The following TRIM2 variants were observed in gnomAD, a reference collection of about 807,000 sequenced individuals.
The protein encoded by TRIM2 is tripartite motif-containing protein 2.
TRIM2 carries 20 observed loss-of-function variants against 75.2 expected under a neutral mutation model. That is an observed-to-expected ratio of 0.27 (90% CI 0.19 to 0.39). The LOEUF (loss-of-function observed/expected upper bound fraction) is 0.39, where lower values mean the gene tolerates loss of function less well. TRIM2 is among the 10% of genes least tolerant of loss of function. TRIM2 has a pLI of 1.00. For synonymous variants in TRIM2, 373 were observed against 388.3 expected (o/e 0.96, Z 0.46); for missense variants, 660 against 990.8 (o/e 0.67, Z 4.48).
chr4:153,255,576 A>G (rs1751886288), intron 1 of TRIM2, among the ~76,000 whole-genome samples: 1 of 152,206 alleles, frequency 6.6e-6, no homozygotes, highest in South Asian at 2.1e-4. Context: ...GCCTGCTTCC[A>G]GTTTTAGAAG....
chr4:153,327,499 T>C (rs1248120492), intron 10 of TRIM2, among the ~76,000 whole-genome samples: 1 of 152,258 alleles, frequency 6.6e-6, no homozygotes. Context: ...GCCTTTTACA[T>C]AATACTTTCA....
chr4:153,328,506 ATAATT>A lies in TRIM2; in HGVS notation c.2023-20_2023-16del. ...TTCAAGTATTTTGATGTAAAACAAA[ATAATT>A]TAAAAATATTTCATACAGGTGTTTA... On this transcript the variant is annotated intron_variant, in intron 10 of 11. Coordinates refer to ENST00000338700, the MANE Select transcript of TRIM2 (RefSeq NM_015271.5). 1 of 1,583,488 alleles carries A rather than the reference ATAATT, an allele frequency of 6.3e-7. No homozygotes were observed. Among genetic ancestry groups the A allele is most frequent in the Non-Finnish European group, 8.6e-7 (1 of 1,167,390 alleles).
At chr4:153,269,025 T>G (rs1579180232) in intron 1 of TRIM2, among the ~76,000 whole-genome samples, 4 of 152,246 alleles carry the variant, frequency 2.6e-5, no homozygotes. Flanking sequence ...ATTAAAATTC[T>G]AATTTTCACC....
chr4:153,331,370 CA>C (rs1161674809), intron 11 of TRIM2, among the ~76,000 whole-genome samples: 1 of 152,084 alleles, frequency 6.6e-6, no homozygotes, highest in Non-Finnish European at 1.5e-5. Context: ...TAGCAACTAA[CA>C]GTGAAAACCA....
At position 153,337,239 on chromosome 4, in the gene TRIM2, G is replaced by C; in HGVS notation, c.*2273G>C. On this transcript the variant is annotated 3_prime_UTR_variant, in exon 12 of 12. Transcript: ENST00000338700. ...TTTATTTAGATTCTTTCTGTCCCAG[G>C]CTGTTGATCTTAAAACTAGTTGATT... The C allele has an allele frequency of 2.0e-6, 2 of 985,504 alleles. No individual in the cohort carries two copies. The highest frequency in any genetic ancestry group is 2.4e-6 in the Non-Finnish European group (2 of 829,898). 61.0% of individuals were successfully genotyped at this position (985,504 alleles called of 1,614,324 possible).
chr4:153,318,502 T>A (rs867033214), intron 8 of TRIM2, among the ~76,000 whole-genome samples: 1 of 152,168 alleles, frequency 6.6e-6, no homozygotes, highest in Admixed American at 6.5e-5. Context: ...TATATAAAAA[T>A]CTCCTGCCTT....
chr4:153,235,275 T>C lies in TRIM2; in HGVS notation c.30+30715T>C, dbSNP rs141327566. On this transcript the variant is annotated intron_variant, in intron 1 of 11. Coordinates refer to ENST00000338700, the MANE Select transcript of TRIM2 (RefSeq NM_015271.5). ...AATGGGAAAAGCTGTGCCTGCTTCATAGAGTTAAGATAATTTTTTTTTTTT... is the reference window on the plus strand; with the variant it reads ...AATGGGAAAAGCTGTGCCTGCTTCACAGAGTTAAGATAATTTTTTTTTTTT... Among the ~76,000 whole-genome samples, 446 of 150,152 alleles carry C rather than the reference T, an allele frequency of 3.0e-3. 2 individuals carry two copies. The highest frequency in any genetic ancestry group is 0.011 in the African/African-American group (426 of 39,734).
At chr4:153,252,313 C>T (rs985356855) in intron 1 of TRIM2, among the ~76,000 whole-genome samples, 9 of 152,186 alleles carry the variant, frequency 5.9e-5, no homozygotes, top group Non-Finnish European at 1.2e-4. Flanking sequence ...TGTTCTTGCA[C>T]ATCCTGGGGC....
At chr4:153,304,999 G>A (rs1764683406) in intron 6 of TRIM2, among the ~76,000 whole-genome samples, 1 of 152,194 alleles carries the variant, frequency 6.6e-6, no homozygotes, top group Admixed American at 6.5e-5. Context: ...GTCCACATGA[G>A]CTATTATAAG....
chr4:153,257,648 A>C (rs72965078), intron 1 of TRIM2: 3 of 1,226,868 alleles, frequency 2.4e-6, no homozygotes, highest in Non-Finnish European at 3.2e-6. Context: ...GTGCTTCCCA[A>C]CTTGAAGTGT....
At chr4:153,239,072 G>C in intron 1 of TRIM2, among the ~76,000 whole-genome samples, 1 of 152,170 alleles carries the variant, frequency 6.6e-6, no homozygotes, top group East Asian at 1.9e-4. Flanking sequence ...AACTCTGGCG[G>C]CCGGGCGTGG....
intron 1 of TRIM2, among the ~76,000 whole-genome samples, chr4:153,170,450 G>T (rs1730732551): frequency 6.6e-6 from 1 of 152,138 alleles, no homozygotes. Context: ...CTATAAAAGG[G>T]GTGGTATTGG....
chr4:153,159,219 C>T (rs1031424905), intron 1 of TRIM2, among the ~76,000 whole-genome samples: 1 of 152,008 alleles, frequency 6.6e-6, no homozygotes. Context: ...CATACGAAGC[C>T]ACCCTATGGT....
At chr4:153,264,411 C>T (rs527842396) in intron 1 of TRIM2, among the ~76,000 whole-genome samples, 12 of 152,284 alleles carry the variant, frequency 7.9e-5, no homozygotes, top group East Asian at 5.8e-4. Flanking sequence ...TGTTTTCACA[C>T]GGATCCCTTC....
At chr4:153,209,287 A>G (rs4696437) in intron 1 of TRIM2, among the ~76,000 whole-genome samples, 22,938 of 152,168 alleles carry the variant, frequency 0.15, 1,797 homozygotes, top group African/African-American at 0.2. Flanking sequence ...ACCACCTCCC[A>G]CACTTATTAG....
intron 1 of TRIM2, among the ~76,000 whole-genome samples, chr4:153,174,602 C>T (rs1731224622): frequency 6.6e-6 from 1 of 152,202 alleles, no homozygotes; most frequent in Non-Finnish European, 1.5e-5. Flanking sequence ...TTCCTGAGAG[C>T]AGGGCGGTGA....
chr4:153,189,470 G>A (rs1055852247), intron 1 of TRIM2, among the ~76,000 whole-genome samples: 1 of 152,206 alleles, frequency 6.6e-6, no homozygotes, highest in African/African-American at 2.4e-5. Flanking sequence ...GTGACCTGCT[G>A]TGGTCGCATC....
rs543345048 is a variant in TRIM2, at chr4:153,197,838, A to T, written c.-49+44568A>T. 6.6e-5 allele frequency among the ~76,000 whole-genome samples: 10 copies of T among 152,164 alleles called. No individual in the cohort carries two copies. In the South Asian group the frequency reaches 2.1e-3, roughly 32 times the overall value. On this transcript the variant is annotated intron_variant, in intron 1 of 11. Transcript: ENST00000437508. ...TAGTGAGCCAAGATTGCACCACTGTACTCCAGCCTGGGCAACAAGAGCGAA... is the reference window on the plus strand; with the variant it reads ...TAGTGAGCCAAGATTGCACCACTGTTCTCCAGCCTGGGCAACAAGAGCGAA...
chr4:153,303,743 T>G (rs1436063845), intron 6 of TRIM2, among the ~76,000 whole-genome samples: 2 of 152,248 alleles, frequency 1.3e-5, no homozygotes, highest in African/African-American at 4.8e-5. Context: ...AAACATGTAT[T>G]GGTGTTTATA....
Sources: allele counts gnomAD v4.1 joint callset (sites outside exome capture counted in the v4.1 genomes callset), GRCh38; gene constraint gnomAD v4.1.1; transcripts MANE v1.5; gene names NCBI Gene and HGNC (gene_info 2026-07-23, HGNC 2026-07-21).